The following MAP4K4 variants were observed in gnomAD, a reference collection of about 807,000 sequenced individuals.
MAP4K4 encodes HPK/GCK-like kinase HGK.
A neutral mutation model predicts 189.6 loss-of-function variants in MAP4K4; 38 were observed. That is an observed-to-expected ratio of 0.20 (90% CI 0.15 to 0.26). The LOEUF is 0.26. MAP4K4 is among the 10% of genes least tolerant of loss of function. MAP4K4 has a pLI of 1.00. For synonymous variants in MAP4K4, 610 were observed against 624.3 expected (o/e 0.98, Z 0.34); for missense variants, 1,054 against 1,726.9 (o/e 0.61, Z 6.91).
rs1339825776 is a variant in MAP4K4, at chr2:101,740,316, G to C, written c.123+41778G>C. On this transcript the variant is annotated intron_variant, in intron 2 of 32. Coordinates refer to ENST00000324219, the Ensembl canonical transcript of MAP4K4. The stretch of plus-strand genomic sequence containing the variant: ...CTACAGGCGCCCGCCACTACGCCCG[G>C]CTAATTTTTTGTATTTTTAGTAGAG... Among the ~76,000 whole-genome samples the C allele has an allele frequency of 1.6e-5, 2 of 127,200 alleles. 1 individual carries two copies. The highest frequency in any genetic ancestry group is 9.8e-5 in the African/African-American group (2 of 20,348). The allele number at this position is 127,200 out of a possible 152,430, so 83.4% of individuals were successfully genotyped here. A position where few individuals can be genotyped will look rare whatever the true frequency, so the allele number is the denominator to read the frequency against.
intron 12 of MAP4K4, among the ~76,000 whole-genome samples, chr2:101,853,761 A>C (rs2097358200): frequency 6.6e-6 from 1 of 152,118 alleles, no homozygotes; most frequent in Non-Finnish European, 1.5e-5. Context: ...TAGAATATTG[A>C]GGATGAAAAG....
intron 3 of MAP4K4, among the ~76,000 whole-genome samples, chr2:101,794,793 CT>C (rs1645234268): frequency 6.6e-6 from 1 of 152,100 alleles, no homozygotes; most frequent in Non-Finnish European, 1.5e-5. Context: ...TTTCTCTTTA[CT>C]TTCCTGCCTC....
At chr2:101,745,388 T>C (rs2064900937) in intron 2 of MAP4K4, among the ~76,000 whole-genome samples, 1 of 116,268 alleles carries the variant, frequency 8.6e-6, no homozygotes, top group Non-Finnish European at 1.7e-5. Flanking sequence ...TTAAGCATAG[T>C]GTCTGGTCTC....
chr2:101,755,929 C>CTTTTTTTTTTTTTT lies in MAP4K4; in HGVS notation c.124-34775_124-34762dup, dbSNP rs57392183. On this transcript the variant is annotated intron_variant, in intron 2 of 32. Coordinates refer to ENST00000324219, the Ensembl canonical transcript of MAP4K4. The stretch of plus-strand genomic sequence containing the variant: ...TTTATTTATAGTATGAGTTCTTTTT[C>CTTTTTTTTTTTTTT]TTTTTTTTTTTTTTTTTTTTTTTTT... Among the ~76,000 whole-genome samples the CTTTTTTTTTTTTTT allele has an allele frequency of 8.7e-5, 5 of 57,792 alleles. 1 individual carries two copies. The highest frequency in any genetic ancestry group is 1.5e-4 in the Non-Finnish European group (5 of 32,300). The allele number at this position is 57,792 out of a possible 152,430, so 37.9% of individuals were successfully genotyped here.
chr2:101,710,543 T>C (rs2044838445), intron 2 of MAP4K4, among the ~76,000 whole-genome samples: 1 of 152,210 alleles, frequency 6.6e-6, no homozygotes, highest in African/African-American at 2.4e-5. Flanking sequence ...TGCTCACTGG[T>C]GACAATGGAC....
At chr2:101,780,692 C>T (rs1352520979) in intron 2 of MAP4K4, among the ~76,000 whole-genome samples, 2 of 152,182 alleles carry the variant, frequency 1.3e-5, no homozygotes, top group East Asian at 3.9e-4. Context: ...CTAAGAGGCA[C>T]AGTCCATTGG....
chr2:101,791,064 C>T (rs1012445209), intron 3 of MAP4K4, among the ~76,000 whole-genome samples: 2 of 152,078 alleles, frequency 1.3e-5, no homozygotes, highest in African/African-American at 4.8e-5. Flanking sequence ...AACATCTTCT[C>T]TAATGGAAAA....
In MAP4K4 at chr2:101,715,011, C is replaced by T. The variant is rs1231618061; in HGVS notation, c.123+16473C>T. Among the ~76,000 whole-genome samples, 8 of 152,170 alleles carry T rather than the reference C, an allele frequency of 5.3e-5. No individual in the cohort carries two copies. In the East Asian group the frequency reaches 1.5e-3, roughly 29 times the overall value. ...CAAAAGAACAAATGTATGGGAACTC[C>T]ATACCTGCATTAGTCTGTTAGGGCT... On this transcript the variant is annotated intron_variant, in intron 2 of 32. Coordinates refer to ENST00000324219, the Ensembl canonical transcript of MAP4K4.
At chr2:101,876,667 T>C (rs1284676304) in intron 26 of MAP4K4, among the ~76,000 whole-genome samples, 1 of 152,188 alleles carries the variant, frequency 6.6e-6, no homozygotes. Flanking sequence ...ATAGAATCTG[T>C]AAAGATAGGA....
intron 27 of MAP4K4, among the ~76,000 whole-genome samples, chr2:101,878,759 A>G (rs1351294786): frequency 1.3e-5 from 2 of 152,200 alleles, no homozygotes; most frequent in Non-Finnish European, 2.9e-5. Context: ...TTATGATATT[A>G]TAATCACTTA....
At chr2:101,812,550 T>C (rs564517875) in intron 3 of MAP4K4, among the ~76,000 whole-genome samples, 76 of 152,070 alleles carry the variant, frequency 5.0e-4, no homozygotes, top group Non-Finnish European at 1.0e-3. Flanking sequence ...CAAAATGACT[T>C]ACTACAGCTT....
Position 101,794,464 on chromosome 2 carries a change from T to G in MAP4K4, c.180+3688T>G, listed in dbSNP as rs2093428499. Reference sequence around the variant, plus strand: ...CCCCTAACTTTTTATTATGAAAAAGTTCATACATCCACAGCTGTTGAAAGA... The same window carrying G: ...CCCCTAACTTTTTATTATGAAAAAGGTCATACATCCACAGCTGTTGAAAGA... On this transcript the variant is annotated intron_variant, in intron 3 of 32. Coordinates refer to ENST00000324219, the Ensembl canonical transcript of MAP4K4. Among the ~76,000 whole-genome samples, 3 of 152,206 alleles carry G rather than the reference T, an allele frequency of 2.0e-5. No individual in the cohort carries two copies. The South Asian group carries it at 6.2e-4, about 31-fold the overall frequency.
At chr2:101,771,566 G>C (rs1159170882) in intron 2 of MAP4K4, among the ~76,000 whole-genome samples, 1 of 152,206 alleles carries the variant, frequency 6.6e-6, no homozygotes, top group African/African-American at 2.4e-5. Flanking sequence ...TTGGAGAGAA[G>C]GGGGAGGATT....
intron 24 of MAP4K4, among the ~76,000 whole-genome samples, 164 bp from the exon 25 acceptor site, chr2:101,873,483 C>T (rs1344382349): frequency 6.6e-6 from 1 of 152,110 alleles, no homozygotes; most frequent in African/African-American, 2.4e-5. Context: ...GGGTGCTATG[C>T]CACGTGGAAG....
intron 3 of MAP4K4, among the ~76,000 whole-genome samples, chr2:101,800,483 A>G (rs1041095730): frequency 6.6e-6 from 1 of 152,236 alleles, no homozygotes; most frequent in African/African-American, 2.4e-5. Context: ...AAGATTACAG[A>G]CAGCCTTTAT....
chr2:101,758,312 A>G (rs1232151540), intron 2 of MAP4K4, among the ~76,000 whole-genome samples: 7 of 152,196 alleles, frequency 4.6e-5, no homozygotes, highest in Non-Finnish European at 8.8e-5. Flanking sequence ...AAGAGATGCT[A>G]CAGAAGGATT....
intron 9 of MAP4K4, among the ~76,000 whole-genome samples, chr2:101,839,460 C>T (rs989041743): frequency 2.6e-5 from 4 of 152,164 alleles, no homozygotes; most frequent in African/African-American, 9.7e-5. Context: ...TCCTGTCTGC[C>T]TTCATTTTAT....
At chr2:101,765,905 G>A (rs960551571) in intron 2 of MAP4K4, among the ~76,000 whole-genome samples, 1 of 151,748 alleles carries the variant, frequency 6.6e-6, no homozygotes, top group Non-Finnish European at 1.5e-5. Flanking sequence ...TTCTCTAAAG[G>A]TGTTTCTTTG....
intron 13 of MAP4K4, among the ~76,000 whole-genome samples, chr2:101,857,139 T>C (rs2097496364): frequency 6.6e-6 from 1 of 152,228 alleles, no homozygotes; most frequent in South Asian, 2.1e-4. Context: ...AAATAATGAT[T>C]ACAGTTCGAT....
Sources: allele counts gnomAD v4.1 joint callset (sites outside exome capture counted in the v4.1 genomes callset), GRCh38; gene constraint gnomAD v4.1.1; transcripts MANE v1.5; gene names NCBI Gene and HGNC (gene_info 2026-07-23, HGNC 2026-07-21).